The following TANC2 variants were observed in gnomAD, a reference collection of about 807,000 sequenced individuals.
The protein encoded by TANC2 is protein TANC2.
TANC2 carries 26 observed loss-of-function variants against 210.5 expected under a neutral mutation model. That is an observed-to-expected ratio of 0.12 (90% CI 0.09 to 0.17). The LOEUF (loss-of-function observed/expected upper bound fraction) is 0.17. Among genes scored for constraint, TANC2 ranks in the 10% least tolerant of loss-of-function variants. The pLI, the probability that TANC2 is intolerant of heterozygous loss-of-function variation, is 1.00. For missense variants in TANC2, 2,129 were observed against 2,608.9 expected (o/e 0.82, Z 4.01); for synonymous variants, 931 against 967.1 (o/e 0.96, Z 0.69).
intron 26 of TANC2, among the ~76,000 whole-genome samples, chr17:63,416,244 TC>T (rs910469204): frequency 6.6e-6 from 1 of 152,158 alleles, no homozygotes; most frequent in Non-Finnish European, 1.5e-5. Context: ...TAAGCCACGG[TC>T]CTTCCTGCCT....
At chr17:63,323,482 G>T (rs2045558310) in intron 11 of TANC2, among the ~76,000 whole-genome samples, 1 of 152,164 alleles carries the variant, frequency 6.6e-6, no homozygotes, top group African/African-American at 2.4e-5. Context: ...ACAGTAGAGG[G>T]ACAGGGAGAT....
chr17:63,420,266 G>T lies in TANC2; in HGVS notation c.4536G>T (p.Gln1512His), dbSNP rs781107754. ...TTGAAAATGTTTCCATTGGCCTCCA[G>T]ACAGAGGCCCGGCCCAGCCAGGGGC... Residue 1512 changes from glutamine (Q) to histidine (H), a missense_variant, in exon 28 of 28, where the codon CAG (glutamine) becomes CAT (histidine). Gln to His is a conservative substitution (Grantham distance 24). Transcript: ENST00000689528. This position sits in a 1 kb window ranked among gnomAD's most constrained non-coding sequence, Gnocchi z 4.2. The T allele has an allele frequency of 1.2e-6, 2 of 1,613,778 alleles. No individual in the cohort carries two copies. The highest frequency in any genetic ancestry group is 3.3e-5 in the Admixed American group (2 of 60,026).
chr17:63,424,815 AAAAGG>A (rs1050584630), exon 28 of TANC2: 25 of 152,330 alleles, frequency 1.6e-4, no homozygotes, highest in African/African-American at 4.1e-4. Context: ...TTTTCAAGAA[AAAAGG>A]AAAGGAAAGA....
chr17:63,055,478 T>C (rs556040556), intron 2 of TANC2, among the ~76,000 whole-genome samples: 3 of 152,270 alleles, frequency 2.0e-5, no homozygotes, highest in Admixed American at 6.5e-5. Context: ...TAGATCTTTT[T>C]TTTATTTCTG....
chr17:63,105,734 T>C (rs551429209), intron 4 of TANC2, among the ~76,000 whole-genome samples: 22 of 151,738 alleles, frequency 1.4e-4, no homozygotes, highest in Middle Eastern at 3.4e-3. Context: ...GAAAAGTGAA[T>C]TGGAAAATAT....
intron 4 of TANC2, among the ~76,000 whole-genome samples, chr17:63,143,224 C>T (rs2039348106): frequency 6.6e-6 from 1 of 152,174 alleles, no homozygotes; most frequent in Non-Finnish European, 1.5e-5. Flanking sequence ...GCATTTTTAA[C>T]ACATCTGAGT....
In TANC2 at chr17:63,340,461, G is replaced by GA. The variant is rs373846372; in HGVS notation, c.1807+129_1807+130insA. On this transcript the variant is annotated intron_variant, in intron 12 of 27. Coordinates refer to ENST00000689528, the Ensembl canonical transcript of TANC2. ...ATGTTCCATAGCTGGATATCCTGTAGGATACAGTTAACAGACAAGAGATTT... is the reference window on the plus strand; with the variant it reads ...ATGTTCCATAGCTGGATATCCTGTAGAGATACAGTTAACAGACAAGAGATTT... The GA allele has an allele frequency of 1.1e-4, 68 of 641,302 alleles. No homozygotes were observed. The African/African-American group carries it at 3.3e-3, about 31-fold the overall frequency. The allele number at this position is 641,302 out of a possible 1,614,324, so 39.7% of individuals were successfully genotyped here.
At chr17:63,111,294 G>C (rs893946036) in intron 4 of TANC2, among the ~76,000 whole-genome samples, 1 of 152,116 alleles carries the variant, frequency 6.6e-6, no homozygotes, top group African/African-American at 2.4e-5. Context: ...GTGAGACTCT[G>C]TCTCCCTGCC....
chr17:63,087,337 TCTAAGTACTTTG>T (rs2037009283), intron 3 of TANC2, among the ~76,000 whole-genome samples: 1 of 152,212 alleles, frequency 6.6e-6, no homozygotes, highest in Non-Finnish European at 1.5e-5. Flanking sequence ...AAAGGAAGCA[TCTAAGTACTTTG>T]GTAAGTTCTT....
At chr17:63,090,532 C>T (rs533476520) in intron 3 of TANC2, among the ~76,000 whole-genome samples, 2 of 152,142 alleles carry the variant, frequency 1.3e-5, no homozygotes, top group Non-Finnish European at 2.9e-5. Context: ...ACAAAGGACA[C>T]GAACTCATCC....
At chr17:63,187,825 A>G (rs1051257787) in intron 5 of TANC2, among the ~76,000 whole-genome samples, 6 of 152,186 alleles carry the variant, frequency 3.9e-5, no homozygotes, top group African/African-American at 1.2e-4. Context: ...TTTGAAAAAA[A>G]AATTCAAGAC....
chr17:63,032,496 T>C (rs908471110), intron 2 of TANC2, among the ~76,000 whole-genome samples: 25 of 152,114 alleles, frequency 1.6e-4, no homozygotes, highest in African/African-American at 5.3e-4. Flanking sequence ...CTGTAGGAGC[T>C]ATTGCAGCAG....
chr17:62,989,258 A>T (rs1039445433), intron 1 of TANC2, among the ~76,000 whole-genome samples: 2 of 152,248 alleles, frequency 1.3e-5, no homozygotes, highest in Non-Finnish European at 2.9e-5. Flanking sequence ...CAGTGAACAG[A>T]TAGAAGATCA....
At chr17:63,419,390 G>A (rs945143294) in intron 27 of TANC2, among the ~76,000 whole-genome samples, 2 of 152,152 alleles carry the variant, frequency 1.3e-5, no homozygotes, top group African/African-American at 4.8e-5. Flanking sequence ...TTGTAAATTA[G>A]AGTCTCCTTG....
At chr17:63,183,778 G>A (rs1337388783) in intron 5 of TANC2, among the ~76,000 whole-genome samples, 1 of 152,204 alleles carries the variant, frequency 6.6e-6, no homozygotes, top group Non-Finnish European at 1.5e-5. Context: ...AGCACTTTGG[G>A]AGGCCGAGGT....
At position 63,421,050 on chromosome 17, in the gene TANC2, G is replaced by A; in HGVS notation, c.5320G>A (p.Gly1774Arg). 1 of 1,613,986 alleles carries A rather than the reference G, an allele frequency of 6.2e-7. No homozygotes were observed. The highest frequency in any genetic ancestry group is 8.5e-7 in the Non-Finnish European group (1 of 1,179,874). ...GAGTGCAGGCGCCATCTGTCAGCAT[G>A]GAGGATTGACCAAAGAGGATCTTCC... The change falls in exon 28 of 28, where the codon GGA (glycine) becomes AGA (arginine). Residue 1774 changes from glycine (G) to arginine (R), a missense_variant. Gly to Arg is a moderately radical substitution (Grantham distance 125, BLOSUM62 -2). Coordinates refer to ENST00000689528, the Ensembl canonical transcript of TANC2. The surrounding 1 kb of genome is among the most constrained non-coding windows in gnomAD (Gnocchi z 6.9).
chr17:63,242,581 A>G lies in TANC2; in HGVS notation c.1033+4504A>G, dbSNP rs1325840585. On this transcript the variant is annotated intron_variant, in intron 8 of 27. Coordinates refer to ENST00000689528, the Ensembl canonical transcript of TANC2. ...CTGGAGCTAATTCCCTGCAGATACCAAGGGATGATTGCATTTAATTATAAT... is the reference window on the plus strand; with the variant it reads ...CTGGAGCTAATTCCCTGCAGATACCGAGGGATGATTGCATTTAATTATAAT... Among the ~76,000 whole-genome samples the G allele has an allele frequency of 1.3e-5, 2 of 152,152 alleles. 1 individual carries two copies. Among genetic ancestry groups the G allele is most frequent in the Admixed American group, 1.3e-4 (2 of 15,260 alleles).
At chr17:63,176,617 A>G (rs1022319486) in intron 5 of TANC2, among the ~76,000 whole-genome samples, 3 of 151,990 alleles carry the variant, frequency 2.0e-5, no homozygotes, top group African/African-American at 7.2e-5. Flanking sequence ...CATCGTGGCT[A>G]ACACAGTGAA....
chr17:63,186,594 C>G (rs2040993588), intron 5 of TANC2, among the ~76,000 whole-genome samples: 1 of 151,898 alleles, frequency 6.6e-6, no homozygotes, highest in Non-Finnish European at 1.5e-5. Context: ...CTCAGGTGAT[C>G]CACCCCCCGC....
Sources: allele counts gnomAD v4.1 joint callset (sites outside exome capture counted in the v4.1 genomes callset), GRCh38; gene constraint gnomAD v4.1.1; non-coding constraint Gnocchi (gnomAD v3.1); transcripts MANE v1.5; gene names NCBI Gene and HGNC (gene_info 2026-07-23, HGNC 2026-07-21).